The following HS3ST3A1 variants were observed in gnomAD, a reference collection of about 807,000 sequenced individuals.
HS3ST3A1 encodes the protein heparan sulfate-glucosamine 3-sulfotransferase 3A1, also known as heparan sulfate glucosamine 3-O-sulfotransferase 3A1.
HS3ST3A1 carries 19 observed loss-of-function variants against 25.7 expected under a neutral mutation model. That is an observed-to-expected ratio of 0.74 (90% CI 0.52 to 1.08). HS3ST3A1 has a LOEUF of 1.08. HS3ST3A1 is among the 50% of genes least tolerant of loss of function. The pLI is 0.00. For missense variants in HS3ST3A1, 459 were observed against 594.3 expected (o/e 0.77, Z 2.37); for synonymous variants, 226 against 278.6 (o/e 0.81, Z 1.88).
At chr17:13,555,922 G>A (rs1308028134) in intron 1 of HS3ST3A1, 2 of 152,228 alleles carry the variant, frequency 1.3e-5, no homozygotes, top group Non-Finnish European at 2.9e-5. Flanking sequence ...GCAAAGGCAC[G>A]AATTATGAAA....
At chr17:13,506,078 CTTT>C (rs577292327) in intron 1 of HS3ST3A1, among the ~76,000 whole-genome samples, 1 of 119,104 alleles carries the variant, frequency 8.4e-6, no homozygotes, top group African/African-American at 3.1e-5. Flanking sequence ...GTTGGAGTTA[CTTT>C]TTTTTTTTTT....
chr17:13,545,177 A>G (rs1207511664), intron 1 of HS3ST3A1, among the ~76,000 whole-genome samples: 1 of 152,244 alleles, frequency 6.6e-6, no homozygotes, highest in African/African-American at 2.4e-5. Context: ...ACAACTACCA[A>G]GATCACCCAT....
chr17:13,580,803 A>G lies in HS3ST3A1; in HGVS notation c.599+19728T>C, dbSNP rs558253869. Among the ~76,000 whole-genome samples, 241 of 152,300 alleles carry G rather than the reference A, an allele frequency of 1.6e-3. 1 individual carries two copies. The highest frequency in any genetic ancestry group is 3.4e-3 in the Middle Eastern group (1 of 294). On this transcript the variant is annotated intron_variant, in intron 1 of 1. Coordinates refer to ENST00000284110, the MANE Select transcript of HS3ST3A1 (RefSeq NM_006042.3). ...CTACTCGGGAGGCTGAGGCAGTAGA[A>G]TCGCTTGAACCCAGGAGGCGGAGGT...
chr17:13,496,127 G>T lies in HS3ST3A1; in HGVS notation c.*70C>A. On this transcript the variant is annotated 3_prime_UTR_variant, in exon 2 of 2. Transcript: ENST00000284110. ...ATATTTTCAGCACAAATATTAAACT[G>T]TCTCTTCTCTACCGATTGGTAAAAA... 7.1e-7 allele frequency: 1 copy of T among 1,405,046 alleles called. No individual in the cohort carries two copies. The highest frequency in any genetic ancestry group is 9.4e-7 in the Non-Finnish European group (1 of 1,064,680). The allele number at this position is 1,405,046 out of a possible 1,614,324, so 87.0% of individuals were successfully genotyped here.
rs541782756 is a variant in HS3ST3A1 at position 13,494,377 on chromosome 17, T to A, written c.*1820A>T. 1.3e-5 allele frequency among the ~76,000 whole-genome samples: 2 copies of A among 152,342 alleles called. No homozygotes were observed. Among genetic ancestry groups the A allele is most frequent in the South Asian group, 4.1e-4 (2 of 4,828 alleles). On this transcript the variant is annotated 3_prime_UTR_variant, in exon 2 of 2. Coordinates refer to ENST00000284110, the MANE Select transcript of HS3ST3A1 (RefSeq NM_006042.3). ...AGATAAATCCAAAGATTTGGAGCAA[T>A]GACAAAATATCTAACACTTAAAATA...
chr17:13,561,978 C>T (rs1367028252), intron 1 of HS3ST3A1, among the ~76,000 whole-genome samples: 5 of 151,942 alleles, frequency 3.3e-5, no homozygotes, highest in Non-Finnish European at 7.4e-5. Flanking sequence ...GTCACTGGGC[C>T]CAGGAGCTTA....
chr17:13,510,190 A>G (rs987733125), intron 1 of HS3ST3A1, among the ~76,000 whole-genome samples: 4 of 152,224 alleles, frequency 2.6e-5, no homozygotes, highest in African/African-American at 9.6e-5. Context: ...CAAACCCCAC[A>G]TCTAGGCTGA....
At chr17:13,565,701 T>G (rs996601383) in intron 1 of HS3ST3A1, among the ~76,000 whole-genome samples, 3 of 152,218 alleles carry the variant, frequency 2.0e-5, no homozygotes, top group Admixed American at 2.0e-4. Context: ...TGAGTGTGTT[T>G]ACCATCTTCT....
chr17:13,560,436 T>A (rs904127932), intron 1 of HS3ST3A1, among the ~76,000 whole-genome samples: 1 of 151,294 alleles, frequency 6.6e-6, no homozygotes, highest in Non-Finnish European at 1.5e-5. Flanking sequence ...GAGTTAAACA[T>A]CATGACATCT....
chr17:13,552,780 T>C (rs1173222216), intron 1 of HS3ST3A1, among the ~76,000 whole-genome samples: 1 of 152,154 alleles, frequency 6.6e-6, no homozygotes, highest in Non-Finnish European at 1.5e-5. Context: ...CATGATCAGC[T>C]GCCCTTGTGC....
chr17:13,591,590 T>A (rs919942768), intron 1 of HS3ST3A1, among the ~76,000 whole-genome samples: 1 of 152,140 alleles, frequency 6.6e-6, no homozygotes, highest in African/African-American at 2.4e-5. Context: ...ACAGAGGTAT[T>A]TAAATACTTT....
At chr17:13,530,887 C>G (rs1906585204) in intron 1 of HS3ST3A1, among the ~76,000 whole-genome samples, 1 of 152,192 alleles carries the variant, frequency 6.6e-6, no homozygotes, top group Admixed American at 6.5e-5. Context: ...AGCCCTTCCT[C>G]TCTTCCCCTG....
intron 1 of HS3ST3A1, among the ~76,000 whole-genome samples, chr17:13,577,491 C>A (rs1907974786): frequency 6.6e-6 from 1 of 152,176 alleles, no homozygotes; most frequent in South Asian, 2.1e-4. Context: ...TAACTTCTCC[C>A]TCCCGGGACA....
In HS3ST3A1 at chr17:13,532,103, G is replaced by A. The variant is rs564980094; in HGVS notation, c.600-35285C>T. 1.5e-3 allele frequency among the ~76,000 whole-genome samples: 234 copies of A among 152,276 alleles called. 1 individual carries two copies. Among genetic ancestry groups the A allele is most frequent in the African/African-American group, 5.4e-3 (226 of 41,550 alleles). ...TCAAGGCTCTTTGCAAGCACAATCA[G>A]CCAGATGACTTGAAACAGCGTACTT... On this transcript the variant is annotated intron_variant, in intron 1 of 1. Transcript: ENST00000284110.
intron 1 of HS3ST3A1, among the ~76,000 whole-genome samples, chr17:13,594,669 A>T (rs533460054): frequency 1.2e-4 from 19 of 152,254 alleles, no homozygotes; most frequent in African/African-American, 4.6e-4. Context: ...AAATCCCCTA[A>T]TCATTTATAT....
At chr17:13,569,923 A>G (rs1412773023) in intron 1 of HS3ST3A1, among the ~76,000 whole-genome samples, 34 of 151,928 alleles carry the variant, frequency 2.2e-4, no homozygotes, top group Admixed American at 2.2e-3. Flanking sequence ...CACTCCTCCC[A>G]CCTTCCTGCT....
At chr17:13,524,651 A>T (rs1015507107) in intron 1 of HS3ST3A1, among the ~76,000 whole-genome samples, 4 of 152,186 alleles carry the variant, frequency 2.6e-5, no homozygotes, top group African/African-American at 9.7e-5. Context: ...TGGTATTTTT[A>T]AAAAATTTCT....
At chr17:13,563,102 G>A (rs1907590210) in intron 1 of HS3ST3A1, among the ~76,000 whole-genome samples, 1 of 151,266 alleles carries the variant, frequency 6.6e-6, no homozygotes, top group Non-Finnish European at 1.5e-5. Context: ...CAAATGGGAA[G>A]CAGGGAGAAG....
At chr17:13,514,919 A>C (rs1906002224) in intron 1 of HS3ST3A1, among the ~76,000 whole-genome samples, 1 of 152,232 alleles carries the variant, frequency 6.6e-6, no homozygotes, top group Non-Finnish European at 1.5e-5. Context: ...ACATAAAAGA[A>C]AATTTATATC....
Sources: allele counts gnomAD v4.1 joint callset (sites outside exome capture counted in the v4.1 genomes callset), GRCh38; gene constraint gnomAD v4.1.1; transcripts MANE v1.5; gene names NCBI Gene and HGNC (gene_info 2026-07-23, HGNC 2026-07-21).